BRD9: variants seen among roughly 807,000 people sequenced by gnomAD.
BRD9 encodes the protein bromodomain containing 9.
In BRD9, 47 loss-of-function variants were observed where a neutral mutation model predicts 68.7. The ratio of observed to expected loss-of-function variants is 0.68; its 90% confidence interval spans 0.54 to 0.87. The LOEUF (loss-of-function observed/expected upper bound fraction) is 0.87, where lower values mean the gene tolerates loss of function less well. BRD9 is among the 40% of genes least tolerant of loss of function. The probability of loss-of-function intolerance (pLI) is 0.00; values close to 1 mark genes in which losing one functional copy is unlikely to be tolerated. For missense variants in BRD9, 670 were observed against 748.4 expected (o/e 0.90, Z 1.22); for synonymous variants, 313 against 293.9 (o/e 1.06, Z -0.67).
In BRD9 at chr5:871,580, G is replaced by A; in HGVS notation, c.1384-16C>T. On this transcript the variant is annotated splice_polypyrimidine_tract_variant and intron_variant, in intron 12 of 15. Coordinates refer to ENST00000467963, the MANE Select transcript of BRD9 (RefSeq NM_023924.5). ...CATTTCTTCTCTGAAAAGTAAATGA[G>A]GACAGAAACTAGTTTTTCCAGAGTG... 6.2e-7 allele frequency: 1 copy of A among 1,612,652 alleles called. No homozygotes were observed. The highest frequency in any genetic ancestry group is 8.5e-7 in the Non-Finnish European group (1 of 1,178,628).
chr5:881,255 A>G, intron 8 of BRD9, 73 bp from the exon 9 acceptor site: 1 of 1,419,900 alleles, frequency 7.0e-7, no homozygotes, highest in South Asian at 1.2e-5. Context: ...GAAGACCAAC[A>G]AGCAGGGCTT....
intron 5 of BRD9, among the ~76,000 whole-genome samples, chr5:888,605 T>C (rs1752906564): frequency 6.6e-6 from 1 of 152,208 alleles, no homozygotes; most frequent in Non-Finnish European, 1.5e-5. Flanking sequence ...AAGAGCAAAG[T>C]ACTCAGGAGA....
At chr5:891,029 G>C (rs748988480) in intron 3 of BRD9, 126 bp downstream of exon 3, 19 of 1,246,676 alleles carry the variant, frequency 1.5e-5, no homozygotes, top group Admixed American at 5.9e-5. Context: ...CCTGGGATGA[G>C]GCCCTGGAAA....
At chr5:889,774 T>C in intron 3 of BRD9, 127 bp from the exon 4 acceptor site, 8 of 1,519,104 alleles carry the variant, frequency 5.3e-6, no homozygotes, top group Non-Finnish European at 7.1e-6. Context: ...GAACTGGGGA[T>C]ATAAAGATAC....
chr5:864,547 A>T lies in BRD9; in HGVS notation c.1715T>A (p.Val572Asp). 6.2e-7 allele frequency: 1 copy of T among 1,613,880 alleles called. No individual in the cohort carries two copies. Among genetic ancestry groups the T allele is most frequent in the Non-Finnish European group, 8.5e-7 (1 of 1,179,880 alleles). Residue 572 changes from valine to aspartate, a missense_variant, in exon 16 of 16, where the codon GTC (valine) becomes GAC (aspartate). This residue lies in a region of BRD9 where 280 missense variants were observed against 281.5 expected (regional missense o/e 0.99). Transcript: ENST00000467963. ...GTGGGTGACGTCTGGCTGCTCCCCGACACTCAGGCGAGAAGGGCTTCCTGC... is the reference window on the plus strand; with the variant it reads ...GTGGGTGACGTCTGGCTGCTCCCCGTCACTCAGGCGAGAAGGGCTTCCTGC... ...HHLGSPSRLSVGEQPDVTHDP... is the reference protein window; with the variant it reads ...HHLGSPSRLSDGEQPDVTHDP...
rs1751308280 is a variant in BRD9 at position 878,423 on chromosome 5, C to G, written c.1203G>C (p.Leu401Phe). 2.8e-5 allele frequency: 45 copies of G among 1,614,280 alleles called. No homozygotes were observed. Among genetic ancestry groups the G allele is most frequent in the Non-Finnish European group, 3.6e-5 (43 of 1,180,056 alleles). ...SMQNNSVFGD[L>F]KSDEMELLYS... is the part of the protein sequence containing the mutation. ...AGAGCAGCTCCATCTCGTCCGACTT[C>G]AAGTCGCCAAATACTGAATTATTCT... The change falls in exon 11 of 16, where the codon TTG (leucine) becomes TTC (phenylalanine). Residue 401 changes from leucine to phenylalanine, a missense_variant. Around this residue, in one of 5 missense-constraint regions of BRD9, gnomAD observed 280 missense variants for 281.5 expected, o/e 0.99. Transcript: ENST00000467963.
intron 8 of BRD9, 105 bp from the exon 9 acceptor site, chr5:881,287 G>T: frequency 1.8e-6 from 2 of 1,113,664 alleles, no homozygotes; most frequent in Non-Finnish European, 2.6e-6. Context: ...AAGCACATTT[G>T]TCCAAGAACA....
intron 12 of BRD9, among the ~76,000 whole-genome samples, chr5:873,079 C>T (rs1335538816): frequency 2.0e-5 from 3 of 152,058 alleles, no homozygotes; most frequent in Non-Finnish European, 2.9e-5. Context: ...GCAGGAGAAT[C>T]GCTAGAATCA....
chr5:883,831 T>C lies in BRD9; in HGVS notation c.966+107A>G, dbSNP rs150683218. On this transcript the variant is annotated intron_variant, in intron 8 of 15. Transcript: ENST00000467963. ...CCCGTCAGGGCCCCACGCTGACCTC[T>C]GGATCCCGGTGGCTGTGCTAGATCA... is the stretch of plus-strand genomic sequence containing the variant. The C allele has an allele frequency of 4.3e-4, 632 of 1,486,390 alleles. 2 individuals are homozygous for C. The African/African-American group carries it at 6.6e-3, about 15-fold the overall frequency. 92.1% of individuals were successfully genotyped at this position (1,486,390 alleles called of 1,614,324 possible). A position where few individuals can be genotyped will look rare whatever the true frequency, so the allele number is the denominator to read the frequency against.
intron 14 of BRD9, chr5:869,018 G>A (rs1749759976): frequency 4.0e-6 from 1 of 249,346 alleles, no homozygotes; most frequent in Non-Finnish European, 7.8e-6. Context: ...CCCAGGCTGT[G>A]GTCTGTGCTT....
intron 2 of BRD9, 46 bp downstream of exon 2, chr5:891,594 G>C: frequency 3.2e-6 from 5 of 1,538,704 alleles, no homozygotes; most frequent in Non-Finnish European, 4.4e-6. Flanking sequence ...GGCTCCCCAC[G>C]GGCTCCTCGT....
chr5:891,755 T>G lies in BRD9; in HGVS notation c.152A>C (p.Tyr51Ser). 1 of 1,551,700 alleles carries G rather than the reference T, an allele frequency of 6.4e-7. No homozygotes were observed. The highest frequency in any genetic ancestry group is 8.7e-7 in the Non-Finnish European group (1 of 1,146,998). ...ELSGSGHDSS[Y>S]YDDRSDHERE... ...CTCATGGTCTGACCTGTCATCATAG[T>G]AACTGGAGTCGTGGCCGGATCCTGA... The change falls in exon 2 of 16, where the codon TAC becomes TCC. Residue 51 changes from tyrosine (Y) to serine (S), a missense_variant. Physicochemically the swap from Tyr to Ser is moderately radical, Grantham distance 144 (BLOSUM62 -2). This residue lies in a region of BRD9 where 161 missense variants were observed against 148.1 expected (regional missense o/e 1.09). Coordinates refer to ENST00000467963, the MANE Select transcript of BRD9 (RefSeq NM_023924.5).
At chr5:891,018 A>T (rs560184417) in intron 3 of BRD9, 137 bp downstream of exon 3, 1 of 1,144,542 alleles carries the variant, frequency 8.7e-7, no homozygotes, top group African/African-American at 1.6e-5. Flanking sequence ...GCCAGAGGAC[A>T]CCTGGGATGA....
Position 891,763 on chromosome 5 carries a change from G to C in BRD9, c.144C>G (p.Asp48Glu), listed in dbSNP as rs959174596. 1 of 1,551,526 alleles carries C rather than the reference G, an allele frequency of 6.4e-7. No individual in the cohort carries two copies. Among genetic ancestry groups the C allele is most frequent in the African/African-American group, 1.4e-5 (1 of 72,996 alleles). Residue 48 changes from aspartate to glutamate, a missense_variant, in exon 2 of 16, where the codon GAC becomes GAG. By Grantham distance (45) the Asp-to-Glu change is conservative (BLOSUM62 2). Around this residue, in one of 5 missense-constraint regions of BRD9, gnomAD observed 161 missense variants for 148.1 expected, o/e 1.09. Transcript: ENST00000467963. ...CTGACCTGTCATCATAGTAACTGGA[G>C]TCGTGGCCGGATCCTGAGAGTTCAG... Reference protein sequence around the residue: ...EVTELSGSGHDSSYYDDRSDH... With the variant: ...EVTELSGSGHESSYYDDRSDH...
At chr5:870,768 A>G (rs899479339) in intron 13 of BRD9, among the ~76,000 whole-genome samples, 193 bp from the exon 14 acceptor site, 2 of 152,218 alleles carry the variant, frequency 1.3e-5, no homozygotes, top group African/African-American at 4.8e-5. Flanking sequence ...ATGAATGGAT[A>G]TGCAAATCCA....
chr5:887,347 A>G lies in BRD9; in HGVS notation c.717+14T>C. Reference sequence around the variant, plus strand: ...CTGCTTTCCGTAGCTCGCTGCTGCCAGTGAGTTTCTTACTTTGCTCATCAT... The same window carrying G: ...CTGCTTTCCGTAGCTCGCTGCTGCCGGTGAGTTTCTTACTTTGCTCATCAT... On this transcript the variant is annotated intron_variant, in intron 6 of 15. Coordinates refer to ENST00000467963, the MANE Select transcript of BRD9 (RefSeq NM_023924.5). The G allele has an allele frequency of 1.3e-6, 2 of 1,596,690 alleles. No individual in the cohort carries two copies. Among genetic ancestry groups the G allele is most frequent in the Non-Finnish European group, 1.7e-6 (2 of 1,164,892 alleles).
Position 870,590 on chromosome 5 carries a change from A to C in BRD9, c.1423-15T>G. On this transcript the variant is annotated splice_polypyrimidine_tract_variant and intron_variant, in intron 13 of 15. Coordinates refer to ENST00000467963, the MANE Select transcript of BRD9 (RefSeq NM_023924.5). Reference sequence around the variant, plus strand: ...GTGTCCCCAACCTGTGGAGACAGACACACATCAAGAGCAATTCAAACATCA... The same window carrying C: ...GTGTCCCCAACCTGTGGAGACAGACCCACATCAAGAGCAATTCAAACATCA... The C allele has an allele frequency of 6.4e-7, 1 of 1,573,726 alleles. No homozygotes were observed. The highest frequency in any genetic ancestry group is 8.7e-7 in the Non-Finnish European group (1 of 1,145,034).
intron 13 of BRD9, among the ~76,000 whole-genome samples, 158 bp from the exon 14 acceptor site, chr5:870,733 T>G (rs1190784430): frequency 6.6e-6 from 1 of 152,222 alleles, no homozygotes; most frequent in African/African-American, 2.4e-5. Flanking sequence ...AGGCTGCTGT[T>G]CAAGGGACTG....
intron 14 of BRD9, among the ~76,000 whole-genome samples, chr5:869,801 C>T (rs552329714): frequency 6.6e-6 from 1 of 152,348 alleles, no homozygotes; most frequent in East Asian, 1.9e-4. Flanking sequence ...CCCGCCTTTC[C>T]AACACGAACC....
Sources: gnomAD v4.1 joint callset for allele counts (sites outside exome capture counted in the v4.1 genomes callset) on GRCh38, gnomAD v4.1.1 for gene constraint, gnomAD v4.1.1 regional missense constraint, MANE v1.5 for transcripts, NCBI Gene and HGNC (gene_info 2026-07-23, HGNC 2026-07-21) for gene names.